DOP1B: variants seen among roughly 807,000 people sequenced by gnomAD.
DOP1B encodes protein DOP1B.
DOP1B carries 174 observed loss-of-function variants against 233.5 expected under a neutral mutation model. That is an observed-to-expected ratio of 0.75 (90% CI 0.66 to 0.85). The LOEUF is 0.85. Among genes scored for constraint, DOP1B ranks in the 40% least tolerant of loss-of-function variants. The pLI, the probability that DOP1B is intolerant of heterozygous loss-of-function variation, is 0.00. For synonymous variants in DOP1B, 1,190 were observed against 1,185.6 expected, an observed-to-expected ratio of 1.00 and a Z score of -0.08; for missense variants, 2,652 against 2,846.6, an observed-to-expected ratio of 0.93 and a Z score of 1.56.
intron 15 of DOP1B, 136 bp downstream of exon 15, chr21:36,233,211 T>G: frequency 8.4e-7 from 1 of 1,188,736 alleles, no homozygotes; most frequent in Non-Finnish European, 1.2e-6. Flanking sequence ...GCAGAGGCAG[T>G]AGCCTTTGGT....
intron 3 of DOP1B, 94 bp from the exon 4 acceptor site, chr21:36,200,237 T>G (rs2066345086): frequency 1.4e-6 from 2 of 1,464,238 alleles, no homozygotes; most frequent in Non-Finnish European, 1.8e-6. Flanking sequence ...GGCCAGCTGT[T>G]TGCTTGTGAA....
chr21:36,162,941 T>C (rs2065881014), intron 1 of DOP1B, among the ~76,000 whole-genome samples: 1 of 151,280 alleles, frequency 6.6e-6, no homozygotes. Context: ...GCCAGAGGAG[T>C]GTGTGGGCCA....
At chr21:36,160,970 A>G (rs949419557) in intron 1 of DOP1B, among the ~76,000 whole-genome samples, 4 of 152,200 alleles carry the variant, frequency 2.6e-5, no homozygotes, top group African/African-American at 7.2e-5. Context: ...TTGAGTCAAC[A>G]GGTGTTTAGG....
chr21:36,159,467 A>G (rs1348338829), intron 1 of DOP1B, among the ~76,000 whole-genome samples: 2 of 152,208 alleles, frequency 1.3e-5, no homozygotes, highest in African/African-American at 2.4e-5. Flanking sequence ...AAAAGAAGAA[A>G]AACAAATGCA....
intron 9 of DOP1B, among the ~76,000 whole-genome samples, chr21:36,217,630 A>G (rs907702484): frequency 1.3e-5 from 2 of 152,210 alleles, no homozygotes; most frequent in Admixed American, 6.5e-5. Context: ...AAGTCCAAGT[A>G]TGAAGCTTTT....
chr21:36,242,981 CTTTTT>C (rs35476479), intron 18 of DOP1B, among the ~76,000 whole-genome samples: 1 of 127,182 alleles, frequency 7.9e-6, no homozygotes, highest in Non-Finnish European at 1.7e-5. Context: ...TTCTTCTTTT[CTTTTT>C]TTTTTTTTTT....
chr21:36,201,354 T>TTTTTTTTTTTTTTTTG (rs2066364626), intron 4 of DOP1B, among the ~76,000 whole-genome samples: 1 of 137,960 alleles, frequency 7.2e-6, no homozygotes, highest in Non-Finnish European at 1.6e-5. Flanking sequence ...TCTTTTTTTT[T>TTTTTTTTTTTTTTTTG]TTTTTTTTTT....
At position 36,269,190 on chromosome 21, in the gene DOP1B, C is replaced by T. The variant is rs552950198; in HGVS notation, c.5488-823C>T. On this transcript the variant is annotated intron_variant, in intron 26 of 36. Transcript: ENST00000691173. ...TTCTTTTTGAGACGAAGTTTCGCTC[C>T]TGTTGCCCAGGCTGGAGTGCAATGG... Among the ~76,000 whole-genome samples the T allele has an allele frequency of 3.3e-5, 5 of 152,032 alleles. No individual in the cohort carries two copies. In the East Asian group the frequency reaches 9.8e-4, roughly 30 times the overall value.
chr21:36,233,794 G>C lies in DOP1B; in HGVS notation c.2622+719G>C, dbSNP rs577923786. 1.3e-4 allele frequency among the ~76,000 whole-genome samples: 20 copies of C among 152,250 alleles called. No homozygotes were observed. In the East Asian group the frequency reaches 3.9e-3, roughly 29 times the overall value. On this transcript the variant is annotated intron_variant, in intron 15 of 36. Transcript: ENST00000691173. Reference sequence around the variant, plus strand: ...TCACACCGCTCAGCTTTGGTTCCATGTGGGACACCATCTACGGTGTCAGGT... The same window carrying C: ...TCACACCGCTCAGCTTTGGTTCCATCTGGGACACCATCTACGGTGTCAGGT...
At chr21:36,176,436 T>C (rs1012237559) in intron 2 of DOP1B, among the ~76,000 whole-genome samples, 2 of 152,108 alleles carry the variant, frequency 1.3e-5, no homozygotes, top group East Asian at 3.9e-4. Flanking sequence ...GCAGGGTGCC[T>C]GGTTTCATCT....
intron 2 of DOP1B, among the ~76,000 whole-genome samples, chr21:36,183,353 G>A (rs781062757): frequency 6.6e-6 from 1 of 152,168 alleles, no homozygotes; most frequent in African/African-American, 2.4e-5. Flanking sequence ...GTAGACCTTT[G>A]GTTTTGTGAG....
chr21:36,163,008 G>C (rs2065881327), intron 1 of DOP1B, among the ~76,000 whole-genome samples: 1 of 152,070 alleles, frequency 6.6e-6, no homozygotes, highest in Non-Finnish European at 1.5e-5. Context: ...CTACTGAGAG[G>C]TAAAGTGAGG....
rs1265221809 is a variant in DOP1B, at chr21:36,214,435, A to G, written c.1015-7A>G. ...TATTCTAATATGTGGCTTTTTTTAA[A>G]TAATAGGGTTTGGCTGAGATATTGC... On this transcript the variant is annotated splice_polypyrimidine_tract_variant and splice_region_variant and intron_variant, in intron 8 of 36. Coordinates refer to ENST00000691173, the MANE Select transcript of DOP1B (RefSeq NM_001320714.2). The G allele has an allele frequency of 6.2e-7, 1 of 1,604,876 alleles. No individual in the cohort carries two copies.
chr21:36,214,438 A>G lies in DOP1B; in HGVS notation c.1015-4A>G, dbSNP rs766877536. ...TCTAATATGTGGCTTTTTTTAAATAATAGGGTTTGGCTGAGATATTGCATC... is the reference window on the plus strand; with the variant it reads ...TCTAATATGTGGCTTTTTTTAAATAGTAGGGTTTGGCTGAGATATTGCATC... On this transcript the variant is annotated splice_polypyrimidine_tract_variant and splice_region_variant and intron_variant, in intron 8 of 36. Transcript: ENST00000691173. The G allele has an allele frequency of 5.0e-6, 8 of 1,605,762 alleles. No individual in the cohort carries two copies. The highest frequency in any genetic ancestry group is 6.8e-6 in the Non-Finnish European group (8 of 1,177,900).
intron 4 of DOP1B, among the ~76,000 whole-genome samples, 199 bp downstream of exon 4, chr21:36,200,700 G>A (rs966064103): frequency 6.6e-6 from 1 of 152,092 alleles, no homozygotes; most frequent in Non-Finnish European, 1.5e-5. Context: ...AAATTTAGCC[G>A]GGCATGGTGG....
Position 36,253,763 on chromosome 21 carries a change from T to C in DOP1B, c.5122-9T>C. The C allele has an allele frequency of 1.2e-6, 2 of 1,608,820 alleles. No homozygotes were observed. The highest frequency in any genetic ancestry group is 1.7e-6 in the Non-Finnish European group (2 of 1,177,576). Reference sequence around the variant, plus strand: ...TAAGCTTTCAAGGAACTTTTTTTTTTCTTGGCAGATTATCCCAACGGCAAG... The same window carrying C: ...TAAGCTTTCAAGGAACTTTTTTTTTCCTTGGCAGATTATCCCAACGGCAAG... On this transcript the variant is annotated splice_polypyrimidine_tract_variant and intron_variant, in intron 22 of 36. Coordinates refer to ENST00000691173, the MANE Select transcript of DOP1B (RefSeq NM_001320714.2).
chr21:36,246,205 C>G lies in DOP1B; in HGVS notation c.4225C>G (p.His1409Asp). 1 of 1,613,852 alleles carries G rather than the reference C, an allele frequency of 6.2e-7. No individual in the cohort carries two copies. ...GCGCTACGGGCTGGCCACCGCCCAC[C>G]ACGGCAGGGCCCTGCCAGAGGACAG... ...QKRYGLATAH[H>D]GRALPEDSLF... is the part of the protein sequence containing the mutation. The change falls in exon 19 of 37, where the codon CAC (histidine) becomes GAC (aspartate). Residue 1409 changes from histidine to aspartate, a missense_variant. Coordinates refer to ENST00000691173, the MANE Select transcript of DOP1B (RefSeq NM_001320714.2). The surrounding 1 kb of genome is among the most constrained non-coding windows in gnomAD (Gnocchi z 5.1).
At chr21:36,159,677 C>T (rs2065853260) in intron 1 of DOP1B, among the ~76,000 whole-genome samples, 1 of 152,232 alleles carries the variant, frequency 6.6e-6, no homozygotes, top group African/African-American at 2.4e-5. Flanking sequence ...TCTTACCTGG[C>T]TGATGCCCTT....
chr21:36,262,496 C>T (rs78429930), intron 24 of DOP1B, among the ~76,000 whole-genome samples: 4,176 of 152,252 alleles, frequency 0.027, 85 homozygotes, highest in Non-Finnish European at 0.039. Context: ...AGGCCAGTTT[C>T]CTGGTGAGTG....
Sources: allele counts gnomAD v4.1 joint callset (sites outside exome capture counted in the v4.1 genomes callset), GRCh38; gene constraint gnomAD v4.1.1; non-coding constraint Gnocchi (gnomAD v3.1); transcripts MANE v1.5; gene names NCBI Gene and HGNC (gene_info 2026-07-23, HGNC 2026-07-21).